SNTG1: variants seen among roughly 807,000 people sequenced by gnomAD.
The protein encoded by SNTG1 is syntrophin gamma 1, also known as gamma-1-syntrophin.
In SNTG1, 39 loss-of-function variants were observed where a neutral mutation model predicts 74.7. The observed-to-expected ratio is 0.52, with a 90% confidence interval of 0.40 to 0.68. The LOEUF (loss-of-function observed/expected upper bound fraction) is 0.68, where lower values mean the gene tolerates loss of function less well. Ranked by LOEUF, SNTG1 falls within the 30% of genes least tolerant of loss-of-function variation. SNTG1 has a pLI of 0.00. For missense variants in SNTG1, 685 were observed against 609.5 expected, an observed-to-expected ratio of 1.12 and a Z score of -1.30; for synonymous variants, 254 against 217.1, an observed-to-expected ratio of 1.17 and a Z score of -1.49.
At chr8:49,995,476 T>G (rs916395411) in intron 1 of SNTG1, among the ~76,000 whole-genome samples, 1 of 152,304 alleles carries the variant, frequency 6.6e-6, no homozygotes, top group African/African-American at 2.4e-5. Flanking sequence ...AAGAACCCAG[T>G]GGAGTCTGGC....
intron 1 of SNTG1, among the ~76,000 whole-genome samples, chr8:50,127,218 G>C (rs545879493): frequency 3.2e-4 from 49 of 152,064 alleles, no homozygotes; most frequent in African/African-American, 1.2e-3. Flanking sequence ...TCTTCAGACC[G>C]ACACATGAGG....
intron 12 of SNTG1, among the ~76,000 whole-genome samples, chr8:50,568,658 C>A (rs1018806718): frequency 1.3e-5 from 2 of 152,006 alleles, no homozygotes; most frequent in Non-Finnish European, 2.9e-5. Flanking sequence ...CTATTTAGGT[C>A]TTTTGCCCAT....
At chr8:50,671,756 G>T (rs1243799078) in intron 15 of SNTG1, among the ~76,000 whole-genome samples, 1 of 151,884 alleles carries the variant, frequency 6.6e-6, no homozygotes, top group Non-Finnish European at 1.5e-5. Flanking sequence ...TATGTTTATT[G>T]CGGCACTATT....
chr8:50,377,811 T>TA (rs1186164427), intron 2 of SNTG1, among the ~76,000 whole-genome samples: 1 of 152,326 alleles, frequency 6.6e-6, no homozygotes, highest in South Asian at 2.1e-4. Flanking sequence ...TTTTGATTTT[T>TA]AAAAAAATTG....
intron 11 of SNTG1, among the ~76,000 whole-genome samples, chr8:50,543,385 G>A (rs2094362346): frequency 1.3e-5 from 2 of 152,106 alleles, no homozygotes; most frequent in African/African-American, 2.4e-5. Context: ...GGCTGTTAAT[G>A]AGAGAATTGA....
At chr8:50,020,638 T>A (rs933643837) in intron 1 of SNTG1, among the ~76,000 whole-genome samples, 7 of 152,148 alleles carry the variant, frequency 4.6e-5, no homozygotes, top group Admixed American at 2.6e-4. Context: ...TACACACACA[T>A]CTTTTTACAA....
At chr8:50,442,680 T>TAAAAAAAAAAAAAAAAAAAAAAAAAAAAA (rs5891365) in intron 5 of SNTG1, among the ~76,000 whole-genome samples, 1 of 81,196 alleles carries the variant, frequency 1.2e-5, no homozygotes, top group African/African-American at 5.1e-5. Flanking sequence ...TGTCTATCAG[T>TAAAAAAAAAAAAAAAAAAAAAAAAAAAAA]AAAAAAAAAA....
intron 2 of SNTG1, among the ~76,000 whole-genome samples, chr8:50,182,296 G>T (rs1419816611): frequency 6.6e-6 from 1 of 152,098 alleles, no homozygotes; most frequent in Non-Finnish European, 1.5e-5. Context: ...TTCTTTTATT[G>T]CCGATTGCCC....
intron 13 of SNTG1, among the ~76,000 whole-genome samples, chr8:50,600,529 G>A (rs1444305194): frequency 2.0e-5 from 3 of 151,984 alleles, no homozygotes; most frequent in Non-Finnish European, 4.4e-5. Flanking sequence ...AGTTGTATAT[G>A]TCTACGAATT....
At chr8:50,162,020 A>T (rs1288619552) in intron 1 of SNTG1, among the ~76,000 whole-genome samples, 1 of 152,170 alleles carries the variant, frequency 6.6e-6, no homozygotes, top group African/African-American at 2.4e-5. Context: ...AAGAGGAAGG[A>T]GGAAGAGCAA....
At chr8:50,367,778 T>TACAC (rs150834903) in intron 2 of SNTG1, among the ~76,000 whole-genome samples, 7 of 151,394 alleles carry the variant, frequency 4.6e-5, no homozygotes, top group South Asian at 4.2e-4. Flanking sequence ...TTGTATTGTA[T>TACAC]ACACACACAC....
At chr8:50,487,922 C>T (rs979069386) in intron 8 of SNTG1, among the ~76,000 whole-genome samples, 1 of 151,468 alleles carries the variant, frequency 6.6e-6, no homozygotes, top group African/African-American at 2.4e-5. Context: ...TCTGTGTTAC[C>T]TCATATGGTG....
chr8:50,673,236 G>A (rs1374756608), intron 15 of SNTG1, among the ~76,000 whole-genome samples: 1 of 152,118 alleles, frequency 6.6e-6, no homozygotes, highest in Non-Finnish European at 1.5e-5. Context: ...AGTTGGATGG[G>A]AATAGCATTG....
At chr8:50,694,272 A>G (rs1202405726) in intron 15 of SNTG1, among the ~76,000 whole-genome samples, 1 of 152,090 alleles carries the variant, frequency 6.6e-6, no homozygotes, top group Admixed American at 6.5e-5. Flanking sequence ...ATCTGATACC[A>G]CAGAAATACA....
In SNTG1 at chr8:50,536,788, G is replaced by A. The variant is rs919520012; in HGVS notation, c.660G>A (p.Val220=). 12 of 1,613,970 alleles carry A rather than the reference G, an allele frequency of 7.4e-6. No individual in the cohort carries two copies. Among genetic ancestry groups the A allele is most frequent in the Non-Finnish European group, 9.3e-6 (11 of 1,179,860 alleles). ...TTCATTCGCGCTTCTCTCAGTATGT[G>A]CCCGGCACAGATTTGAGTCGGTGAG... ...PLLHSRFSQY[V]PGTDLSRQNA... Residue 220 remains valine, a synonymous_variant, in exon 11 of 19, where the codon GTG becomes GTA. Coordinates refer to ENST00000642720, the MANE Select transcript of SNTG1 (RefSeq NM_018967.5).
chr8:50,719,298 T>A (rs1332430910), intron 17 of SNTG1, among the ~76,000 whole-genome samples: 1 of 152,130 alleles, frequency 6.6e-6, no homozygotes, highest in Non-Finnish European at 1.5e-5. Context: ...TGAGTGGAAT[T>A]AGTGCCCTTA....
intron 8 of SNTG1, among the ~76,000 whole-genome samples, chr8:50,484,141 T>TTTCC (rs1554542597): frequency 0.026 from 2,362 of 92,230 alleles, 45 homozygotes; most frequent in South Asian, 0.068. Context: ...TCTTTCCTTC[T>TTTCC]TTCTTTCTTT....
chr8:50,649,668 G>A (rs959115652), intron 13 of SNTG1, among the ~76,000 whole-genome samples: 7 of 152,080 alleles, frequency 4.6e-5, no homozygotes, highest in African/African-American at 1.4e-4. Flanking sequence ...TGAGCACTTT[G>A]GTTGAATACT....
chr8:50,619,514 G>C (rs959028050), intron 13 of SNTG1, among the ~76,000 whole-genome samples: 1 of 152,062 alleles, frequency 6.6e-6, no homozygotes, highest in African/African-American at 2.4e-5. Flanking sequence ...GGCAGATCAC[G>C]AGGTCAGGAG....
Sources: allele counts gnomAD v4.1 joint callset (sites outside exome capture counted in the v4.1 genomes callset), GRCh38; gene constraint gnomAD v4.1.1; transcripts MANE v1.5; gene names NCBI Gene and HGNC (gene_info 2026-07-23, HGNC 2026-07-21).